BOD1L1: variants seen among roughly 807,000 people sequenced by gnomAD.
BOD1L1 encodes the protein biorientation of chromosomes in cell division 1 like 1, also known as biorientation of chromosomes in cell division protein 1-like 1.
In BOD1L1, 86 loss-of-function variants were observed where a neutral mutation model predicts 240.7. The observed-to-expected ratio is 0.36, with a 90% CI of 0.30 to 0.43. The LOEUF is 0.43. Ranked by LOEUF, BOD1L1 falls within the 20% of genes least tolerant of loss-of-function variation. BOD1L1 has a pLI of 1.00. For synonymous variants in BOD1L1, 1,268 were observed against 1,272.3 expected (o/e 1.00, Z 0.07); for missense variants, 3,554 against 3,643.5 (o/e 0.98, Z 0.63).
In BOD1L1 at chr4:13,599,587, C is replaced by T; in HGVS notation, c.7313G>A (p.Cys2438Tyr). ...TCCTGCAAATGGTCCTATTTCGGGG[C>T]ACTCCTTGCCATGCTTCTCTTCTTT... ...AEKEEKHGKE[C>Y]PEIGPFAGRG... is the part of the protein sequence containing the mutation. Residue 2438 changes from cysteine to tyrosine, a missense_variant, in exon 10 of 26, where the codon TGC (cysteine) becomes TAC (tyrosine). By Grantham distance (194) the Cys-to-Tyr change is radical. Around this residue, in one of 2 missense-constraint regions of BOD1L1, gnomAD observed 3,393 missense variants for 3,427.1 expected, o/e 0.99. Coordinates refer to ENST00000040738, the MANE Select transcript of BOD1L1 (RefSeq NM_148894.3). 1 of 1,614,018 alleles carries T rather than the reference C, an allele frequency of 6.2e-7. No individual in the cohort carries two copies. The highest frequency in any genetic ancestry group is 8.5e-7 in the Non-Finnish European group (1 of 1,179,890).
chr4:13,602,713 T>G lies in BOD1L1; in HGVS notation c.4187A>C (p.Glu1396Ala). The change falls in exon 10 of 26, where the codon GAA becomes GCA. Residue 1396 changes from glutamate to alanine, a missense_variant. This residue lies in a region of BOD1L1 where 3,393 missense variants were observed against 3,427.1 expected (regional missense o/e 0.99). Coordinates refer to ENST00000040738, the MANE Select transcript of BOD1L1 (RefSeq NM_148894.3). ...LGSKLTGVIV[E>A]NENITKEGGL... Reference sequence around the variant, plus strand: ...ACCTTCTTTGGTAATATTCTCATTTTCCACAATCACGCCCGTTAACTTACT... The same window carrying G: ...ACCTTCTTTGGTAATATTCTCATTTGCCACAATCACGCCCGTTAACTTACT... The G allele has an allele frequency of 1.2e-6, 2 of 1,614,058 alleles. No individual in the cohort carries two copies. Among genetic ancestry groups the G allele is most frequent in the Non-Finnish European group, 1.7e-6 (2 of 1,179,908 alleles).
chr4:13,608,522 A>C lies in BOD1L1; in HGVS notation c.1742+8T>G. The C allele has an allele frequency of 6.5e-7, 1 of 1,529,532 alleles. No individual in the cohort carries two copies. Among genetic ancestry groups the C allele is most frequent in the East Asian group, 2.4e-5 (1 of 42,190 alleles). The allele number at this position is 1,529,532 out of a possible 1,614,324, so 94.7% of individuals were successfully genotyped here. A position where few individuals can be genotyped will look rare whatever the true frequency, so the allele number is the denominator to read the frequency against. On this transcript the variant is annotated splice_region_variant and intron_variant, in intron 8 of 25. Transcript: ENST00000040738. ...TATAAGGGAAACATGACCAGATAAAATATGTACCTTGAATCTTTTTTTCTC... is the reference window on the plus strand; with the variant it reads ...TATAAGGGAAACATGACCAGATAAACTATGTACCTTGAATCTTTTTTTCTC...
At chr4:13,609,495 T>C in intron 6 of BOD1L1, 89 bp from the exon 7 acceptor site, 2 of 794,174 alleles carry the variant, frequency 2.5e-6, no homozygotes, top group African/African-American at 1.8e-5. Context: ...TAGTTTACCC[T>C]TCAGATGTTC....
chr4:13,620,311 G>A (rs920422161), intron 1 of BOD1L1, among the ~76,000 whole-genome samples: 36 of 152,258 alleles, frequency 2.4e-4, no homozygotes, highest in African/African-American at 8.4e-4. Context: ...AATAAGACAC[G>A]AACAAGTGTT....
chr4:13,615,361 G>T lies in BOD1L1; in HGVS notation c.510C>A (p.Gly170=). The T allele has an allele frequency of 6.2e-7, 1 of 1,613,464 alleles. No individual in the cohort carries two copies. The highest frequency in any genetic ancestry group is 1.3e-5 in the African/African-American group (1 of 74,992). Residue 170 remains glycine (G), a synonymous_variant, in exon 3 of 26, where the codon GGC becomes GGA. Transcript: ENST00000040738. ...GTTTCTCATCATCGGGAGCTGTGTT[G>T]CCACTTCCTTCCTCTTTGTGATTTA... ...ATLNHKEEGS[G]NTAPDDEKPD... is the part of the protein sequence containing the mutation.
In BOD1L1 at chr4:13,614,643, T is replaced by C. The variant is rs1387303904; in HGVS notation, c.727A>G (p.Thr243Ala). 1 of 1,613,870 alleles carries C rather than the reference T, an allele frequency of 6.2e-7. No individual in the cohort carries two copies. The highest frequency in any genetic ancestry group is 1.7e-5 in the Admixed American group (1 of 59,996). Residue 243 changes from threonine to alanine, a missense_variant, in exon 4 of 26, where the codon ACT becomes GCT. Around this residue, in one of 2 missense-constraint regions of BOD1L1, gnomAD observed 3,393 missense variants for 3,427.1 expected, o/e 0.99. Transcript: ENST00000040738. ...CTTTCTTTGTCAGTACTAGTATCAG[T>C]GGTTGGCTGAGATGGAAGTTTTTTT... ...ASKKLPSQPT[T>A]DTSTDKERTS...
In BOD1L1 at chr4:13,611,440, G is replaced by A. The variant is rs570455646; in HGVS notation, c.1325-340C>T. 2.6e-5 allele frequency among the ~76,000 whole-genome samples: 4 copies of A among 152,296 alleles called. No individual in the cohort carries two copies. In the South Asian group the frequency reaches 6.2e-4, roughly 24 times the overall value. On this transcript the variant is annotated intron_variant, in intron 5 of 25. Coordinates refer to ENST00000040738, the MANE Select transcript of BOD1L1 (RefSeq NM_148894.3). ...GGAGAGGTTCTGAGAGCTCTGCTTC[G>A]CAACACCAGCAGTGTGCTTTCACAG...
At position 13,569,897 on chromosome 4, in the gene BOD1L1, C is replaced by G. The variant is rs1023001310; in HGVS notation, c.*114G>C. The G allele has an allele frequency of 4.5e-5, 29 of 649,318 alleles. No individual in the cohort carries two copies. The highest frequency in any genetic ancestry group is 6.4e-5 in the Non-Finnish European group (27 of 420,952). The allele number at this position is 649,318 out of a possible 1,614,324, so 40.2% of individuals were successfully genotyped here. On this transcript the variant is annotated 3_prime_UTR_variant, in exon 26 of 26. Transcript: ENST00000040738. ...ACAAGAAAAAGCTTGCACCTAGGGA[C>G]TTACAGCACATGCATATCTTTTTCC... is the stretch of plus-strand genomic sequence containing the variant.
chr4:13,609,419 A>G lies in BOD1L1; in HGVS notation c.1492-13T>C. ...CTTTTTCTTTGGCCTAAAACCACAAAATACCCTAACAGATTATTAGGCAAA... is the reference window on the plus strand; with the variant it reads ...CTTTTTCTTTGGCCTAAAACCACAAGATACCCTAACAGATTATTAGGCAAA... On this transcript the variant is annotated splice_polypyrimidine_tract_variant and intron_variant, in intron 6 of 25. Coordinates refer to ENST00000040738, the MANE Select transcript of BOD1L1 (RefSeq NM_148894.3). 6.8e-7 allele frequency: 1 copy of G among 1,471,500 alleles called. No individual in the cohort carries two copies. Among genetic ancestry groups the G allele is most frequent in the Non-Finnish European group, 9.0e-7 (1 of 1,105,472 alleles). The allele number at this position is 1,471,500 out of a possible 1,614,324, so 91.2% of individuals were successfully genotyped here.
At position 13,613,636 on chromosome 4, in the gene BOD1L1, C is replaced by T; in HGVS notation, c.1200G>A (p.Val400=). 6.3e-7 allele frequency: 1 copy of T among 1,579,926 alleles called. No homozygotes were observed. ...KEDFSLIDSD[V]DGLTDITVSS... ...TAACTGTGATGTCTGTAAGTCCATC[C>T]ACATCAGAATCTATCAAAGAGAAAT... is the stretch of plus-strand genomic sequence containing the variant. Residue 400 remains valine, a synonymous_variant, in exon 5 of 26, where the codon GTG becomes GTA. Coordinates refer to ENST00000040738, the MANE Select transcript of BOD1L1 (RefSeq NM_148894.3). The surrounding 1 kb of genome is among the most constrained non-coding windows in gnomAD (Gnocchi z 4.0).
Position 13,569,845 on chromosome 4 carries a change from A to G in BOD1L1, c.*166T>C, listed in dbSNP as rs543192014. 2.4e-6 allele frequency: 1 copy of G among 419,566 alleles called. No individual in the cohort carries two copies. The highest frequency in any genetic ancestry group is 2.1e-5 in the African/African-American group (1 of 48,736). 26.0% of individuals were successfully genotyped at this position (419,566 alleles called of 1,614,324 possible). On this transcript the variant is annotated 3_prime_UTR_variant, in exon 26 of 26. Coordinates refer to ENST00000040738, the MANE Select transcript of BOD1L1 (RefSeq NM_148894.3). ...ATGTACATAATATCTTCTATGAACAATAGTTTATAAAGCTGTTTAAAACAT... is the reference window on the plus strand; with the variant it reads ...ATGTACATAATATCTTCTATGAACAGTAGTTTATAAAGCTGTTTAAAACAT...
At chr4:13,587,459 G>C (rs145860949) in intron 16 of BOD1L1, among the ~76,000 whole-genome samples, 43 of 152,286 alleles carry the variant, frequency 2.8e-4, no homozygotes, top group Admixed American at 1.6e-3. Flanking sequence ...GTTCCAGAGA[G>C]AGCCTGTCTT....
intron 17 of BOD1L1, among the ~76,000 whole-genome samples, chr4:13,584,445 T>A (rs549337242): frequency 0.03 from 3,708 of 124,732 alleles, 49 homozygotes; most frequent in African/African-American, 0.043. Flanking sequence ...AGAGAGAGTG[T>A]GTGTGTGTGT....
chr4:13,614,053 G>A, intron 4 of BOD1L1, 143 bp downstream of exon 4: 1 of 680,724 alleles, frequency 1.5e-6, no homozygotes, highest in Admixed American at 3.7e-5. Context: ...AATATTTATT[G>A]CTTTTTTTCT....
intron 1 of BOD1L1, chr4:13,625,640 G>C (rs146056975): frequency 6.6e-6 from 1 of 152,140 alleles, no homozygotes; most frequent in Non-Finnish European, 1.5e-5. Context: ...AATTCCACTT[G>C]TTGAATACGA....
rs149304101 is a variant in BOD1L1, at chr4:13,611,018, C to T, written c.1407G>A (p.Ala469=). 18 of 1,611,986 alleles carry T rather than the reference C, an allele frequency of 1.1e-5. No individual in the cohort carries two copies. The East Asian group carries it at 1.6e-4, about 14-fold the overall frequency. The part of the protein sequence containing the change: ...SEGKTKSVRH[A]YVHKPYLYSK... ...AGTAAAGATATGGTTTGTGGACATA[C>T]GCATGCCGTACACTTTTTGTTTTTC... Residue 469 remains alanine, a synonymous_variant, in exon 6 of 26, where the codon GCG becomes GCA. Transcript: ENST00000040738.
intron 1 of BOD1L1, chr4:13,623,499 A>G (rs1420182264): frequency 3.3e-5 from 5 of 152,278 alleles, no homozygotes; most frequent in Admixed American, 3.3e-4. Context: ...AGCTTGCTCC[A>G]GAGATCTGGA....
intron 25 of BOD1L1, among the ~76,000 whole-genome samples, chr4:13,575,562 T>G (rs576503821): frequency 6.6e-6 from 1 of 151,332 alleles, no homozygotes; most frequent in Non-Finnish European, 1.5e-5. Context: ...CTAATTTTTT[T>G]GTAGAGATGG....
At chr4:13,587,647 T>G in intron 16 of BOD1L1, 52 bp downstream of exon 16, 1 of 1,361,778 alleles carries the variant, frequency 7.3e-7, no homozygotes, top group Non-Finnish European at 1.0e-6. Flanking sequence ...CTTTTGGATA[T>G]AAAAATAATG....
Sources: allele counts gnomAD v4.1 joint callset (sites outside exome capture counted in the v4.1 genomes callset), GRCh38; gene constraint gnomAD v4.1.1; regional missense constraint gnomAD v4.1.1; non-coding constraint Gnocchi (gnomAD v3.1); transcripts MANE v1.5; gene names NCBI Gene and HGNC (gene_info 2026-07-23, HGNC 2026-07-21).